NUP35: variants seen among roughly 807,000 people sequenced by gnomAD.
The protein encoded by NUP35 is nucleoporin NUP35.
A neutral mutation model predicts 41.5 loss-of-function variants in NUP35; 25 were observed. The observed-to-expected ratio is 0.60, with a 90% confidence interval of 0.44 to 0.84. The LOEUF (loss-of-function observed/expected upper bound fraction) is 0.84, where lower values mean the gene tolerates loss of function less well. Among genes scored for constraint, NUP35 ranks in the 40% least tolerant of loss-of-function variants. The pLI is 0.00. For synonymous variants in NUP35, 149 were observed against 130.7 expected, an observed-to-expected ratio of 1.14 and a Z score of -0.96; for missense variants, 396 against 396.6, an observed-to-expected ratio of 1.00 and a Z score of 0.01.
At chr2:183,152,786 T>C (rs1685516335) in intron 5 of NUP35, among the ~76,000 whole-genome samples, 1 of 152,210 alleles carries the variant, frequency 6.6e-6, no homozygotes, top group Non-Finnish European at 1.5e-5. Flanking sequence ...CGTTCACATC[T>C]AGTTATTATT....
At chr2:183,123,075 G>GA (rs1700092616), upstream of NUP35, among the ~76,000 whole-genome samples, 1 of 152,186 alleles carries the variant, frequency 6.6e-6, no homozygotes, top group African/African-American at 2.4e-5. Context: ...CGTTGGCTTT[G>GA]AAAAAGCAGG....
intron 4 of NUP35, among the ~76,000 whole-genome samples, chr2:183,139,491 T>A (rs538413135): frequency 6.6e-6 from 1 of 152,262 alleles, no homozygotes; most frequent in East Asian, 1.9e-4. Context: ...GACTGTTAAC[T>A]TACATATGAT....
chr2:183,142,908 G>A (rs1307719785), intron 4 of NUP35, among the ~76,000 whole-genome samples: 1 of 151,560 alleles, frequency 6.6e-6, no homozygotes, highest in African/African-American at 2.4e-5. Flanking sequence ...TGTAATCCCA[G>A]CACTTTGGGA....
intron 4 of NUP35, among the ~76,000 whole-genome samples, chr2:183,150,315 T>C (rs1355586214): frequency 6.6e-6 from 1 of 152,194 alleles, no homozygotes; most frequent in African/African-American, 2.4e-5. Flanking sequence ...ACAGTGGCTT[T>C]ATAAGGTTTT....
chr2:183,131,558 A>G (rs1212060092), intron 3 of NUP35, among the ~76,000 whole-genome samples: 1 of 152,192 alleles, frequency 6.6e-6, no homozygotes, highest in African/African-American at 2.4e-5. Context: ...TGGTAAACAG[A>G]TTACTGTTTC....
intron 4 of NUP35, 148 bp from the exon 5 acceptor site, chr2:183,151,360 A>G (rs1424888178): frequency 1.7e-6 from 1 of 602,410 alleles, no homozygotes; most frequent in Non-Finnish European, 2.8e-6. Flanking sequence ...GGTAGCATGA[A>G]ATTGCTATTT....
chr2:183,122,012 T>C (rs1700075512), upstream of NUP35, among the ~76,000 whole-genome samples: 8 of 150,816 alleles, frequency 5.3e-5, no homozygotes, highest in South Asian at 1.3e-3. Flanking sequence ...CATTCTTAAA[T>C]CCTCCAATTT....
Position 183,161,256 on chromosome 2 carries a change from A to G in NUP35, c.*125A>G. On this transcript the variant is annotated 3_prime_UTR_variant, in exon 9 of 9. Transcript: ENST00000295119. ...CTATCTCATACTTCTTTTAGAAAGA[A>G]GCCTTTTTCATTAAGGATACAACCT... is the stretch of plus-strand genomic sequence containing the variant. 1 of 590,458 alleles carries G rather than the reference A, an allele frequency of 1.7e-6. No homozygotes were observed. Among genetic ancestry groups the G allele is most frequent in the Non-Finnish European group, 3.0e-6 (1 of 337,090 alleles). The allele number at this position is 590,458 out of a possible 1,614,324, so 36.6% of individuals were successfully genotyped here.
At chr2:183,138,265 A>ATTTTTTTTTTTTTTT in intron 4 of NUP35, among the ~76,000 whole-genome samples, 1 of 69,192 alleles carries the variant, frequency 1.4e-5, no homozygotes, top group Middle Eastern at 8.1e-3. Flanking sequence ...ATATATATAT[A>ATTTTTTTTTTTTTTT]TATATTTTTT....
At chr2:183,143,868 G>A (rs1685186691) in intron 4 of NUP35, among the ~76,000 whole-genome samples, 2 of 152,110 alleles carry the variant, frequency 1.3e-5, no homozygotes, top group African/African-American at 4.8e-5. Context: ...ATTGGACATT[G>A]TACCATTCAA....
At chr2:183,154,453 C>T (rs986560367) in intron 5 of NUP35, among the ~76,000 whole-genome samples, 3 of 152,176 alleles carry the variant, frequency 2.0e-5, no homozygotes, top group Non-Finnish European at 4.4e-5. Flanking sequence ...TTAGAAATTT[C>T]TTCCACCAGA....
At chr2:183,128,232 C>T in intron 1 of NUP35, 55 bp from the exon 2 acceptor site, 1 of 1,362,470 alleles carries the variant, frequency 7.3e-7, no homozygotes, top group Non-Finnish European at 9.7e-7. Context: ...TTGTCATCAA[C>T]ATGTAACAGA....
In NUP35 at chr2:183,137,536, T is replaced by C. The variant is rs545593211; in HGVS notation, c.397+3913T>C. Among the ~76,000 whole-genome samples the C allele has an allele frequency of 3.3e-5, 5 of 152,218 alleles. No individual in the cohort carries two copies. In the South Asian group the frequency reaches 1.0e-3, roughly 32 times the overall value. On this transcript the variant is annotated intron_variant, in intron 4 of 8. Transcript: ENST00000295119. ...GGGAAGTCAAGGCTGTAGTGAACAG[T>C]GATCACACCACTGCATTCCAACCTG...
chr2:183,122,109 G>A (rs1201134783), upstream of NUP35, among the ~76,000 whole-genome samples: 3 of 147,634 alleles, frequency 2.0e-5, no homozygotes, highest in Non-Finnish European at 3.0e-5. Flanking sequence ...ACAGAGTCTC[G>A]CTCTGTCGCC....
chr2:183,160,545 G>C (rs1319642635), intron 8 of NUP35: 1 of 151,822 alleles, frequency 6.6e-6, no homozygotes, highest in Non-Finnish European at 1.5e-5. Context: ...ACCACGCCCA[G>C]CTAATTTTTT....
At chr2:183,142,074 A>G (rs1685114335) in intron 4 of NUP35, among the ~76,000 whole-genome samples, 1 of 152,152 alleles carries the variant, frequency 6.6e-6, no homozygotes, top group South Asian at 2.1e-4. Context: ...TCTGCCTTCC[A>G]GTGTTCTGTG....
intron 4 of NUP35, among the ~76,000 whole-genome samples, chr2:183,141,404 T>TC (rs1484156280): frequency 6.6e-6 from 1 of 152,252 alleles, no homozygotes; most frequent in African/African-American, 2.4e-5. Flanking sequence ...GGGCTGTCAT[T>TC]TAGCCAGCCA....
intron 7 of NUP35, 90 bp from the exon 8 acceptor site, chr2:183,159,398 A>T: frequency 1.0e-6 from 1 of 990,416 alleles, no homozygotes; most frequent in South Asian, 2.0e-5. Context: ...TTTCATCTTT[A>T]TCTTTTAATT....
At chr2:183,141,252 C>G (rs193010391) in intron 4 of NUP35, among the ~76,000 whole-genome samples, 244 of 152,204 alleles carry the variant, frequency 1.6e-3, no homozygotes, top group African/African-American at 5.6e-3. Context: ...CTACTTCCCT[C>G]TTGTAAGGAT....
Sources: allele counts gnomAD v4.1 joint callset (sites outside exome capture counted in the v4.1 genomes callset), GRCh38; gene constraint gnomAD v4.1.1; transcripts MANE v1.5; gene names NCBI Gene and HGNC (gene_info 2026-07-23, HGNC 2026-07-21).